PAWR: variants seen among roughly 807,000 people sequenced by gnomAD.
PAWR encodes the protein PRKC apoptosis WT1 regulator protein.
Under a neutral mutation model 32.0 loss-of-function variants are expected in PAWR, and 23 were observed. The observed-to-expected ratio is 0.72, with a 90% CI of 0.52 to 1.02. The LOEUF is 1.02. PAWR is among the 50% of genes least tolerant of loss of function. PAWR has a pLI of 0.00. For missense variants in PAWR, 457 were observed against 437.7 expected (o/e 1.04, Z -0.39); for synonymous variants, 226 against 187.1 (o/e 1.21, Z -1.70).
chr12:79,662,498 G>C (rs1460923835), intron 2 of PAWR, among the ~76,000 whole-genome samples: 1 of 152,140 alleles, frequency 6.6e-6, no homozygotes, highest in Admixed American at 6.5e-5. Context: ...AGGAAATCTA[G>C]ATATCCTGCA....
chr12:79,682,821 C>T (rs1878506707), intron 2 of PAWR, among the ~76,000 whole-genome samples: 1 of 152,168 alleles, frequency 6.6e-6, no homozygotes, highest in Non-Finnish European at 1.5e-5. Flanking sequence ...TGTTCAAAAT[C>T]AATTGCCAGT....
At chr12:79,639,157 C>T (rs1469106578) in intron 2 of PAWR, among the ~76,000 whole-genome samples, 3 of 150,962 alleles carry the variant, frequency 2.0e-5, no homozygotes, top group East Asian at 3.9e-4. Flanking sequence ...GTGATCTGCC[C>T]GCCTCAGCCT....
intron 2 of PAWR, among the ~76,000 whole-genome samples, chr12:79,657,007 A>G (rs1877122729): frequency 1.3e-5 from 2 of 152,188 alleles, no homozygotes; most frequent in African/African-American, 2.4e-5. Flanking sequence ...TCTCTCTGTA[A>G]TCTAAGTATT....
chr12:79,610,746 T>C (rs1163594647), intron 4 of PAWR, among the ~76,000 whole-genome samples: 2 of 149,282 alleles, frequency 1.3e-5, no homozygotes, highest in African/African-American at 5.0e-5. Context: ...AGAGAGATTC[T>C]GTCTCTACCA....
intron 2 of PAWR, among the ~76,000 whole-genome samples, chr12:79,675,843 G>A (rs866489481): frequency 2.0e-5 from 3 of 152,008 alleles, no homozygotes; most frequent in Non-Finnish European, 4.4e-5. Flanking sequence ...TACCCATGCA[G>A]CAAATCTGCA....
chr12:79,640,449 A>G (rs1255513753), intron 2 of PAWR, among the ~76,000 whole-genome samples: 1 of 152,160 alleles, frequency 6.6e-6, no homozygotes, highest in African/African-American at 2.4e-5. Context: ...GCTGATTAGT[A>G]TTTTGAATAG....
intron 2 of PAWR, among the ~76,000 whole-genome samples, chr12:79,647,901 G>C (rs1229970176): frequency 6.6e-6 from 1 of 152,158 alleles, no homozygotes; most frequent in Non-Finnish European, 1.5e-5. Context: ...ACAGGGGCAG[G>C]GGGATGGTTT....
At chr12:79,644,082 T>G (rs1435529430) in intron 2 of PAWR, among the ~76,000 whole-genome samples, 1 of 152,198 alleles carries the variant, frequency 6.6e-6, no homozygotes, top group Non-Finnish European at 1.5e-5. Context: ...ATTCCTTCAG[T>G]ACAAATGTGC....
At chr12:79,686,309 T>C (rs1169211994) in intron 2 of PAWR, among the ~76,000 whole-genome samples, 1 of 152,196 alleles carries the variant, frequency 6.6e-6, no homozygotes, top group Non-Finnish European at 1.5e-5. Flanking sequence ...TCCTCCTCCC[T>C]GGGTTAGGTA....
intron 2 of PAWR, among the ~76,000 whole-genome samples, chr12:79,663,804 G>A (rs1471500788): frequency 6.6e-6 from 1 of 151,956 alleles, no homozygotes; most frequent in Non-Finnish European, 1.5e-5. Flanking sequence ...TAAAAGCACA[G>A]TGTGAACTTC....
chr12:79,622,113 A>G (rs1251870033), intron 2 of PAWR, among the ~76,000 whole-genome samples: 1 of 152,132 alleles, frequency 6.6e-6, no homozygotes, highest in Non-Finnish European at 1.5e-5. Context: ...CAGTGAAGAC[A>G]ATAGGAATTG....
At chr12:79,644,130 A>G (rs1234844573) in intron 2 of PAWR, among the ~76,000 whole-genome samples, 3 of 152,176 alleles carry the variant, frequency 2.0e-5, no homozygotes, top group African/African-American at 7.2e-5. Flanking sequence ...TTGAAATTTT[A>G]GATTTGTTTA....
chr12:79,615,690 C>G (rs749359463), intron 3 of PAWR, among the ~76,000 whole-genome samples: 3 of 152,034 alleles, frequency 2.0e-5, no homozygotes, highest in Non-Finnish European at 4.4e-5. Context: ...TATTTAATGT[C>G]GAAAGAAATA....
intron 1 of PAWR, 22 bp from the exon 2 acceptor site, chr12:79,690,413 G>A: frequency 7.7e-7 from 1 of 1,299,922 alleles, no homozygotes. Flanking sequence ...GACAAAAGGG[G>A]GCGGGTAAGG....
chr12:79,669,911 G>A (rs968854375), intron 2 of PAWR, among the ~76,000 whole-genome samples: 1 of 151,930 alleles, frequency 6.6e-6, no homozygotes, highest in African/African-American at 2.4e-5. Flanking sequence ...ATGTTGCCCA[G>A]GCTGGTCTCA....
intron 2 of PAWR, among the ~76,000 whole-genome samples, chr12:79,677,968 C>G (rs1442448091): frequency 6.6e-6 from 1 of 152,138 alleles, no homozygotes; most frequent in Non-Finnish European, 1.5e-5. Context: ...AGTTCCCCAC[C>G]TCCACTCCAT....
In PAWR at chr12:79,652,546, T is replaced by C. The variant is rs969129026; in HGVS notation, c.517-31339A>G. 3.9e-5 allele frequency among the ~76,000 whole-genome samples: 6 copies of C among 152,186 alleles called. 1 individual carries two copies. Among genetic ancestry groups the C allele is most frequent in the Admixed American group, 2.6e-4 (4 of 15,288 alleles). ...GGAATGTGTCTTTTTCAAAAGTTCTTTGGAAAAAGTTCAATCACAAAACAT... is the reference window on the plus strand; with the variant it reads ...GGAATGTGTCTTTTTCAAAAGTTCTCTGGAAAAAGTTCAATCACAAAACAT... On this transcript the variant is annotated intron_variant, in intron 2 of 6. Coordinates refer to ENST00000328827, the MANE Select transcript of PAWR (RefSeq NM_002583.4).
Position 79,621,148 on chromosome 12 carries a change from T to C in PAWR, c.576A>G (p.Ala192=). 1 of 1,610,678 alleles carries C rather than the reference T, an allele frequency of 6.2e-7. No individual in the cohort carries two copies. The highest frequency in any genetic ancestry group is 1.1e-5 in the South Asian group (1 of 91,036). ...AGQKERKRED[A]ITQQNTIQNE... is the part of the protein sequence containing the mutation. ...TCTGAATAGTGTTCTGTTGTGTAAT[T>C]GCATCTTCTCGTTTCCGCTCTTTCT... The change falls in exon 3 of 7, where the codon GCA becomes GCG. Residue 192 remains alanine, a synonymous_variant. Coordinates refer to ENST00000328827, the MANE Select transcript of PAWR (RefSeq NM_002583.4).
chr12:79,631,583 C>T (rs940167643), intron 2 of PAWR, among the ~76,000 whole-genome samples: 2 of 152,010 alleles, frequency 1.3e-5, no homozygotes, highest in African/African-American at 4.8e-5. Flanking sequence ...ACAAAAAACA[C>T]ACTATACCCT....
Sources: allele counts gnomAD v4.1 joint callset (sites outside exome capture counted in the v4.1 genomes callset), GRCh38; gene constraint gnomAD v4.1.1; transcripts MANE v1.5; gene names NCBI Gene and HGNC (gene_info 2026-07-23, HGNC 2026-07-21).